The following BLTP1 variants were observed in gnomAD, a reference collection of about 807,000 sequenced individuals.
BLTP1 encodes fragile site-associated protein.
At chr4:122,297,678 C>T in the BLTP1 span, among the ~76,000 whole-genome samples, 5 of 152,082 alleles carry the variant, frequency 3.3e-5, no homozygotes, top group African/African-American at 1.2e-4. Flanking sequence ...CAATGATAGA[C>T]TGGATAAAGA....
the BLTP1 span, chr4:122,231,815 T>C: frequency 2.1e-6 from 2 of 974,078 alleles, no homozygotes; most frequent in Non-Finnish European, 2.4e-6. Context: ...CTGTTAACTT[T>C]CCCAAAAGAA....
the BLTP1 span, chr4:122,257,143 T>C: frequency 2.7e-6 from 3 of 1,126,148 alleles, no homozygotes; most frequent in East Asian, 7.2e-5. Flanking sequence ...AGTTTTAATT[T>C]CTTTATCTCT....
the BLTP1 span, chr4:122,210,945 C>T: frequency 1.7e-3 from 2,705 of 1,613,462 alleles, 46 homozygotes; most frequent in South Asian, 0.022. Flanking sequence ...AGACATCAGA[C>T]AGAGTTGTTT....
At chr4:122,320,856 C>T in the BLTP1 span, among the ~76,000 whole-genome samples, 1 of 151,834 alleles carries the variant, frequency 6.6e-6, no homozygotes, top group East Asian at 1.9e-4. Context: ...CTACTTTTTG[C>T]CTTTTCTCTT....
chr4:122,166,588 T>C, the BLTP1 span, among the ~76,000 whole-genome samples: 3 of 152,190 alleles, frequency 2.0e-5, no homozygotes, highest in Non-Finnish European at 4.4e-5. Flanking sequence ...AACTTTAAAG[T>C]AGTTTTTTCC....
chr4:122,338,590 G>A, the BLTP1 span, among the ~76,000 whole-genome samples: 52 of 152,040 alleles, frequency 3.4e-4, no homozygotes, highest in African/African-American at 9.6e-4. Context: ...CAGTCCCTCC[G>A]TGTACTTAGG....
the BLTP1 span, chr4:122,180,228 C>T: frequency 3.1e-6 from 3 of 955,344 alleles, no homozygotes; most frequent in Non-Finnish European, 3.7e-6. Context: ...ATTTTAACCA[C>T]TCTGAGCCTC....
the BLTP1 span, among the ~76,000 whole-genome samples, chr4:122,250,789 T>C: frequency 1.3e-5 from 2 of 152,172 alleles, no homozygotes; most frequent in African/African-American, 2.4e-5. Context: ...ATATCCATCA[T>C]AGTCCTAGCA....
At chr4:122,159,032 T>C in the BLTP1 span, among the ~76,000 whole-genome samples, 7 of 152,260 alleles carry the variant, frequency 4.6e-5, no homozygotes, top group Non-Finnish European at 7.3e-5. Flanking sequence ...ATATTTCTTT[T>C]GCCTAGTATT....
chr4:122,183,210 C>A, the BLTP1 span: 1 of 354,790 alleles, frequency 2.8e-6, no homozygotes, highest in Non-Finnish European at 3.9e-6. Flanking sequence ...GTGACACGTG[C>A]CTGGGGTCCC....
the BLTP1 span, chr4:122,209,787 G>T: frequency 1.2e-6 from 2 of 1,609,120 alleles, no homozygotes; most frequent in South Asian, 1.1e-5. Flanking sequence ...ATGAGTATCT[G>T]ACTAGAAACT....
At chr4:122,291,865 A>G in the BLTP1 span, 13 of 971,932 alleles carry the variant, frequency 1.3e-5, no homozygotes, top group Non-Finnish European at 1.6e-5. Flanking sequence ...TTTTGCTTTT[A>G]AATTTTAAAC....
the BLTP1 span, chr4:122,204,988 A>G: frequency 6.9e-4 from 110 of 158,700 alleles, no homozygotes; most frequent in Non-Finnish European, 1.4e-3. Flanking sequence ...AAAACTCTAT[A>G]TCTCATTAAT....
the BLTP1 span, among the ~76,000 whole-genome samples, chr4:122,339,675 C>T: frequency 1.3e-5 from 2 of 151,998 alleles, no homozygotes; most frequent in African/African-American, 2.4e-5. Flanking sequence ...ATACTACAAG[C>T]GCTATGACAT....
At chr4:122,352,767 A>C in the BLTP1 span, 3 of 1,009,092 alleles carry the variant, frequency 3.0e-6, no homozygotes, top group Non-Finnish European at 4.4e-6. Context: ...GCTATTGCTT[A>C]ATGTTTAACA....
At chr4:122,162,202 G>T in the BLTP1 span, among the ~76,000 whole-genome samples, 9 of 152,170 alleles carry the variant, frequency 5.9e-5, no homozygotes, top group Admixed American at 5.9e-4. Context: ...CATAGAAAAG[G>T]TTATATTGTA....
chr4:122,214,718 G>A, the BLTP1 span: 2 of 183,574 alleles, frequency 1.1e-5, no homozygotes, highest in East Asian at 4.0e-4. Context: ...CTGGGCTCAG[G>A]TGATTTTCTT....
the BLTP1 span, chr4:122,333,627 A>G: frequency 1.3e-6 from 2 of 1,591,148 alleles, no homozygotes; most frequent in Non-Finnish European, 1.7e-6. Flanking sequence ...TTCTGTTCAC[A>G]GGAGTTATGA....
the BLTP1 span, chr4:122,244,579 TAA>T: frequency 1.2e-6 from 1 of 856,070 alleles, no homozygotes; most frequent in Non-Finnish European, 1.4e-6. Flanking sequence ...CTAACATGAA[TAA>T]AAATGAGAAT....
Sources: gnomAD v4.1 joint callset for allele counts (sites outside exome capture counted in the v4.1 genomes callset) on GRCh38, gnomAD v4.1.1 for gene constraint, MANE v1.5 for transcripts, NCBI Gene and HGNC (gene_info 2026-07-23, HGNC 2026-07-21) for gene names.